TENT2: variants seen among roughly 807,000 people sequenced by gnomAD.
The protein encoded by TENT2 is poly(A) RNA polymerase GLD2.
TENT2 carries 44 observed loss-of-function variants against 72.2 expected under a neutral mutation model. The observed-to-expected ratio is 0.61, with a 90% CI of 0.48 to 0.78. The LOEUF (loss-of-function observed/expected upper bound fraction) is 0.78, where lower values mean the gene tolerates loss of function less well. Ranked by LOEUF, TENT2 falls within the 30% of genes least tolerant of loss-of-function variation. TENT2 has a pLI of 0.00. For synonymous variants in TENT2, 212 were observed against 192.5 expected (o/e 1.10, Z -0.84); for missense variants, 541 against 569.6 (o/e 0.95, Z 0.51).
intron 4 of TENT2, among the ~76,000 whole-genome samples, chr5:79,637,637 G>T (rs1366772491): frequency 6.6e-6 from 1 of 152,012 alleles, no homozygotes; most frequent in African/African-American, 2.4e-5. Flanking sequence ...ATGTTACCAA[G>T]GCTTGTCTCG....
intron 9 of TENT2, 92 bp downstream of exon 9, chr5:79,648,785 G>T (rs1580429549): frequency 2.0e-6 from 2 of 993,732 alleles, no homozygotes; most frequent in South Asian, 3.2e-5. Context: ...CTCTTTAGTT[G>T]TGTTTAAGTA....
chr5:79,635,323 G>C (rs919397568), intron 4 of TENT2, among the ~76,000 whole-genome samples: 1 of 152,128 alleles, frequency 6.6e-6, no homozygotes, highest in Non-Finnish European at 1.5e-5. Flanking sequence ...AAGTTAATGG[G>C]TAGATAATGA....
At chr5:79,678,236 C>T (rs958576591) in intron 12 of TENT2, among the ~76,000 whole-genome samples, 1 of 152,024 alleles carries the variant, frequency 6.6e-6, no homozygotes, top group Non-Finnish European at 1.5e-5. Context: ...TCACAAGATG[C>T]AAGATTTTTC....
intron 14 of TENT2, among the ~76,000 whole-genome samples, chr5:79,682,446 ATTTTTTT>A (rs397961608): frequency 2.9e-5 from 4 of 136,300 alleles, no homozygotes; most frequent in Non-Finnish European, 6.4e-5. Flanking sequence ...CACCCAGCTA[ATTTTTTT>A]TTTTTTTTTT....
chr5:79,668,443 G>A (rs1380207864), intron 11 of TENT2, among the ~76,000 whole-genome samples: 3 of 151,950 alleles, frequency 2.0e-5, no homozygotes, highest in African/African-American at 4.8e-5. Context: ...TTACTCTTAC[G>A]GCCTTTGGGA....
chr5:79,683,507 C>A (rs1823852247), intron 14 of TENT2, among the ~76,000 whole-genome samples: 1 of 151,890 alleles, frequency 6.6e-6, no homozygotes, highest in Non-Finnish European at 1.5e-5. Context: ...TAGAGTGATA[C>A]CTTGTTTCAA....
chr5:79,676,831 C>T (rs758447507), intron 12 of TENT2, among the ~76,000 whole-genome samples: 19 of 151,908 alleles, frequency 1.3e-4, no homozygotes, highest in Non-Finnish European at 2.4e-4. Flanking sequence ...TATTGAGTGA[C>T]GATAACAATT....
intron 11 of TENT2, among the ~76,000 whole-genome samples, chr5:79,662,949 G>A (rs943268894): frequency 1.3e-5 from 2 of 152,208 alleles, no homozygotes; most frequent in Admixed American, 6.5e-5. Flanking sequence ...CTGCTATTTA[G>A]TGTAGCTGCA....
At position 79,642,949 on chromosome 5, in the gene TENT2, G is replaced by A. The variant is rs368438700; in HGVS notation, c.751+39G>A. ...GCCTCAAGTTTGTATGTCACCTGAC[G>A]TAACTTTACTTAAAATGCCTCTTAC... On this transcript the variant is annotated intron_variant, in intron 7 of 14. Transcript: ENST00000453514. 1.7e-5 allele frequency: 27 copies of A among 1,596,214 alleles called. 1 individual carries two copies. In the South Asian group the frequency reaches 2.8e-4, roughly 17 times the overall value.
chr5:79,649,917 T>G (rs1792370501), intron 10 of TENT2, among the ~76,000 whole-genome samples: 1 of 152,164 alleles, frequency 6.6e-6, no homozygotes, highest in Non-Finnish European at 1.5e-5. Flanking sequence ...TTAAGCTGCT[T>G]TATACTTTCT....
At chr5:79,646,082 A>T (rs1010291559) in intron 8 of TENT2, among the ~76,000 whole-genome samples, 1 of 152,116 alleles carries the variant, frequency 6.6e-6, no homozygotes, top group Non-Finnish European at 1.5e-5. Flanking sequence ...TAAACAAATA[A>T]CCTTCTCACA....
At chr5:79,654,248 A>G (rs1402426174) in intron 10 of TENT2, among the ~76,000 whole-genome samples, 2 of 152,136 alleles carry the variant, frequency 1.3e-5, no homozygotes, top group Non-Finnish European at 2.9e-5. Flanking sequence ...CCTGACCAAC[A>G]TGGTGAAACC....
At chr5:79,616,620 G>T (rs1760316221) in intron 1 of TENT2, among the ~76,000 whole-genome samples, 1 of 152,096 alleles carries the variant, frequency 6.6e-6, no homozygotes, top group African/African-American at 2.4e-5. Flanking sequence ...CAGGATTATT[G>T]TATGTATTTT....
At chr5:79,669,617 C>T (rs889111237) in intron 12 of TENT2, among the ~76,000 whole-genome samples, 1 of 151,990 alleles carries the variant, frequency 6.6e-6, no homozygotes, top group Admixed American at 6.6e-5. Context: ...TGCAGCTCTT[C>T]TGATCAATCT....
chr5:79,678,031 T>C (rs1580670404), intron 12 of TENT2, among the ~76,000 whole-genome samples: 1 of 152,326 alleles, frequency 6.6e-6, no homozygotes, highest in South Asian at 2.1e-4. Context: ...GAGTCTGTAC[T>C]AATGAACTGC....
Position 79,686,993 on chromosome 5 carries a change from A to G in TENT2, c.*1720A>G, listed in dbSNP as rs1826249944. ...TAGTACTATTCAGTAATACTGTGCA[A>G]CTTTCAGGGATGGGTAAGTATGTAC... On this transcript the variant is annotated 3_prime_UTR_variant, in exon 15 of 15. Transcript: ENST00000453514. 6.6e-6 allele frequency among the ~76,000 whole-genome samples: 1 copy of G among 152,142 alleles called. No individual in the cohort carries two copies. The highest frequency in any genetic ancestry group is 2.4e-5 in the African/African-American group (1 of 41,418).
chr5:79,684,456 A>T (rs1285280540), intron 14 of TENT2, among the ~76,000 whole-genome samples: 2 of 152,086 alleles, frequency 1.3e-5, no homozygotes, highest in African/African-American at 4.8e-5. Context: ...GGGTTTCACC[A>T]TGTTGCCCAG....
intron 1 of TENT2, chr5:79,614,177 C>T (rs1234411738): frequency 2.9e-5 from 4 of 138,620 alleles, no homozygotes; most frequent in African/African-American, 8.2e-5. Flanking sequence ...TATCTTGGCT[C>T]ACTGCAGCCT....
intron 11 of TENT2, among the ~76,000 whole-genome samples, chr5:79,658,503 T>A (rs6877796): frequency 0.2 from 30,854 of 152,062 alleles, 4,634 homozygotes; most frequent in African/African-American, 0.42. Context: ...TTGGCCTTAA[T>A]TTTGAATGTT....
Sources: gnomAD v4.1 joint callset for allele counts (sites outside exome capture counted in the v4.1 genomes callset) on GRCh38, gnomAD v4.1.1 for gene constraint, MANE v1.5 for transcripts, NCBI Gene and HGNC (gene_info 2026-07-23, HGNC 2026-07-21) for gene names.